Variants in SPMIP11 observed in about 807,000 individuals in gnomAD.
SPMIP11 encodes the protein sperm microtubule inner protein 11, also known as long intergenic non-protein coding RNA 935.
At chr12:48,731,087 C>G in the SPMIP11 span, among the ~76,000 whole-genome samples, 1 of 152,222 alleles carries the variant, frequency 6.6e-6, no homozygotes, top group Non-Finnish European at 1.5e-5. Flanking sequence ...ACAAATGATG[C>G]AGGTCTTTTT....
the SPMIP11 span, among the ~76,000 whole-genome samples, chr12:48,729,124 G>A: frequency 2.0e-5 from 3 of 152,192 alleles, no homozygotes; most frequent in African/African-American, 4.8e-5. Flanking sequence ...AATTGTTGCC[G>A]GGCACTGCGG....
At chr12:48,770,742 C>T in the SPMIP11 span, 65 of 1,608,522 alleles carry the variant, frequency 4.0e-5, 3 homozygotes, top group South Asian at 5.3e-4. Flanking sequence ...TGGGAAAACC[C>T]GCCAAGCAAC....
chr12:48,759,692 G>A, the SPMIP11 span, among the ~76,000 whole-genome samples: 1 of 151,672 alleles, frequency 6.6e-6, no homozygotes, highest in Non-Finnish European at 1.5e-5. Context: ...AAGAATGGCT[G>A]GGATGTGGTT....
At chr12:48,753,865 G>A in the SPMIP11 span, among the ~76,000 whole-genome samples, 3 of 151,710 alleles carry the variant, frequency 2.0e-5, no homozygotes, top group Admixed American at 6.6e-5. Context: ...ACAATGCCCG[G>A]CTAATTTTTG....
the SPMIP11 span, among the ~76,000 whole-genome samples, chr12:48,741,266 GTC>G: frequency 6.6e-6 from 1 of 151,668 alleles, no homozygotes. Flanking sequence ...GGTCAGGCTG[GTC>G]TCAAACTCCC....
At chr12:48,763,268 G>T in the SPMIP11 span, among the ~76,000 whole-genome samples, 4 of 151,988 alleles carry the variant, frequency 2.6e-5, no homozygotes, top group African/African-American at 9.6e-5. Context: ...AACCTCCCAG[G>T]CTCAAACGAT....
chr12:48,727,546 A>T, the SPMIP11 span: 3 of 702,912 alleles, frequency 4.3e-6, no homozygotes, highest in African/African-American at 5.2e-5. Context: ...AAAGGAACAC[A>T]ACTGAAGAAA....
At chr12:48,762,461 A>C in the SPMIP11 span, among the ~76,000 whole-genome samples, 1 of 123,854 alleles carries the variant, frequency 8.1e-6, no homozygotes, top group Non-Finnish European at 1.6e-5. Context: ...TCTGCCTCCC[A>C]GGTTCAAGCG....
At chr12:48,749,355 G>A in the SPMIP11 span, among the ~76,000 whole-genome samples, 11 of 150,206 alleles carry the variant, frequency 7.3e-5, no homozygotes, top group East Asian at 8.0e-4. Flanking sequence ...TTGGCTGGGC[G>A]CGGTGGCTCA....
chr12:48,757,866 C>T, the SPMIP11 span, among the ~76,000 whole-genome samples: 18 of 151,792 alleles, frequency 1.2e-4, no homozygotes, highest in East Asian at 1.2e-3. Context: ...TGGTGGCACA[C>T]GCTGGTAATC....
the SPMIP11 span, among the ~76,000 whole-genome samples, chr12:48,761,840 A>G: frequency 1.4e-5 from 2 of 145,506 alleles, no homozygotes; most frequent in African/African-American, 5.1e-5. Context: ...TTTCCACCTC[A>G]GCCTCCTGAG....
chr12:48,746,759 G>A, the SPMIP11 span, among the ~76,000 whole-genome samples: 4 of 150,722 alleles, frequency 2.7e-5, no homozygotes, highest in African/African-American at 4.9e-5. Context: ...TGTCTCTACT[G>A]AAAATACAAA....
At chr12:48,727,880 T>C in the SPMIP11 span, among the ~76,000 whole-genome samples, 1 of 151,902 alleles carries the variant, frequency 6.6e-6, no homozygotes, top group Non-Finnish European at 1.5e-5. Flanking sequence ...TAAGACCACA[T>C]CTCTATGAAA....
At chr12:48,757,411 G>A in the SPMIP11 span, among the ~76,000 whole-genome samples, 3 of 152,064 alleles carry the variant, frequency 2.0e-5, no homozygotes, top group South Asian at 6.2e-4. Context: ...CCTTTGGGAG[G>A]CGGAGGCAGG....
chr12:48,771,215 C>T, the SPMIP11 span: 1 of 565,142 alleles, frequency 1.8e-6, no homozygotes, highest in Admixed American at 3.1e-5. The surrounding 1 kb of genome is among the most constrained non-coding windows in gnomAD (Gnocchi z 4.3). Context: ...AACACAGACC[C>T]ACAAGTGCAA....
chr12:48,758,016 T>C, the SPMIP11 span, among the ~76,000 whole-genome samples: 1 of 151,454 alleles, frequency 6.6e-6, no homozygotes, highest in African/African-American at 2.4e-5. Context: ...ACTATATATA[T>C]GTGGGGCTGG....
At chr12:48,768,771 C>A in the SPMIP11 span, 1 of 1,593,818 alleles carries the variant, frequency 6.3e-7, no homozygotes, top group South Asian at 1.1e-5. Flanking sequence ...GCTGCATTTG[C>A]AGGGGCCCAG....
the SPMIP11 span, chr12:48,759,060 A>G: frequency 1.7e-6 from 1 of 600,808 alleles, no homozygotes; most frequent in South Asian, 1.9e-5. Flanking sequence ...TGTCACAGCC[A>G]TGGTGATTGG....
At chr12:48,738,504 T>G in the SPMIP11 span, among the ~76,000 whole-genome samples, 1 of 151,910 alleles carries the variant, frequency 6.6e-6, no homozygotes, top group Non-Finnish European at 1.5e-5. Flanking sequence ...TGTTTGAGTA[T>G]TCTTATATGG....
Sources: allele counts gnomAD v4.1 joint callset (sites outside exome capture counted in the v4.1 genomes callset), GRCh38; gene constraint gnomAD v4.1.1; non-coding constraint Gnocchi (gnomAD v3.1); transcripts MANE v1.5; gene names NCBI Gene and HGNC (gene_info 2026-07-23, HGNC 2026-07-21).